ZNRF2: variants seen among roughly 807,000 people sequenced by gnomAD.
The protein encoded by ZNRF2 is zinc and ring finger 2.
In ZNRF2, 16 loss-of-function variants were observed where a neutral mutation model predicts 20.4. The observed-to-expected ratio is 0.79, with a 90% CI of 0.53 to 1.19. The LOEUF (loss-of-function observed/expected upper bound fraction) is 1.19. Ranked by LOEUF, ZNRF2 falls within the 50% of genes most tolerant of loss-of-function variation. ZNRF2 has a pLI of 0.00. For missense variants in ZNRF2, 363 were observed against 332.4 expected, an observed-to-expected ratio of 1.09 and a Z score of -0.72; for synonymous variants, 178 against 144.9, an observed-to-expected ratio of 1.23 and a Z score of -1.64.
rs764719704 is a variant in ZNRF2 at position 30,285,348 on chromosome 7, C to T, written c.-10C>T. On this transcript the variant is annotated 5_prime_UTR_variant, in exon 1 of 5. Coordinates refer to ENST00000323037, the MANE Select transcript of ZNRF2 (RefSeq NM_147128.4). ...CGCAGCGCGCGGGCCCGGCCCGGGG[C>T]AGGGCGGACATGGGCGCCAAACAGA... The T allele has an allele frequency of 8.7e-7, 1 of 1,149,378 alleles. No homozygotes were observed. The highest frequency in any genetic ancestry group is 2.4e-5 in the South Asian group (1 of 42,396). The allele number at this position is 1,149,378 out of a possible 1,614,324, so 71.2% of individuals were successfully genotyped here.
chr7:30,352,614 C>T (rs1799976551), intron 2 of ZNRF2, among the ~76,000 whole-genome samples: 1 of 151,968 alleles, frequency 6.6e-6, no homozygotes, highest in Admixed American at 6.6e-5. Context: ...CTTGTGTCTC[C>T]ATTGATCATA....
intron 3 of ZNRF2, among the ~76,000 whole-genome samples, chr7:30,356,070 C>G (rs940805311): frequency 2.6e-5 from 4 of 152,136 alleles, no homozygotes; most frequent in African/African-American, 9.7e-5. Flanking sequence ...TCCATAGCTT[C>G]TTGAATAAAT....
At position 30,313,833 on chromosome 7, in the gene ZNRF2, C is replaced by T. The variant is rs117858129; in HGVS notation, c.470-9809C>T. ...TCCTCCCCCAGTGGTGATGTGTGGC[C>T]ATTTCGAGGTTCCCTGGTGGCAGAA... On this transcript the variant is annotated intron_variant, in intron 1 of 4. Transcript: ENST00000323037. Among the ~76,000 whole-genome samples, 601 of 152,260 alleles carry T rather than the reference C, an allele frequency of 3.9e-3. 1 individual carries two copies. Among genetic ancestry groups the T allele is most frequent in the Non-Finnish European group, 5.7e-3 (390 of 68,004 alleles).
chr7:30,299,752 C>A, intron 1 of ZNRF2, among the ~76,000 whole-genome samples: 1 of 148,304 alleles, frequency 6.7e-6, no homozygotes, highest in Non-Finnish European at 1.5e-5. Flanking sequence ...AGAATGTGGT[C>A]ATACTGTGTT....
intron 4 of ZNRF2, 54 bp downstream of exon 4, chr7:30,362,510 A>C: frequency 8.9e-7 from 1 of 1,120,978 alleles, no homozygotes; most frequent in Admixed American, 2.1e-5. Flanking sequence ...ATACATTCTA[A>C]ACTATAATTT....
intron 1 of ZNRF2, among the ~76,000 whole-genome samples, chr7:30,302,541 GTT>G (rs113688354): frequency 7.1e-6 from 1 of 140,506 alleles, no homozygotes; most frequent in African/African-American, 2.7e-5. Context: ...AAAGTACTAT[GTT>G]TTTTTTTTTT....
intron 2 of ZNRF2, among the ~76,000 whole-genome samples, chr7:30,352,581 G>A (rs1799976137): frequency 6.6e-6 from 1 of 152,028 alleles, no homozygotes; most frequent in Non-Finnish European, 1.5e-5. Context: ...AAAGCAACAT[G>A]TTTAGTTCCC....
intron 2 of ZNRF2, among the ~76,000 whole-genome samples, chr7:30,334,249 G>T (rs1376743149): frequency 6.6e-6 from 1 of 152,122 alleles, no homozygotes; most frequent in Admixed American, 6.5e-5. Context: ...ATTGAACAGG[G>T]TGTCCTTTCC....
chr7:30,354,022 G>A (rs569779201), intron 2 of ZNRF2, among the ~76,000 whole-genome samples: 4 of 151,884 alleles, frequency 2.6e-5, no homozygotes, highest in Admixed American at 6.6e-5. Flanking sequence ...GATGCTTCAC[G>A]TTAAACTTGT....
At chr7:30,300,298 G>A (rs560999363) in intron 1 of ZNRF2, among the ~76,000 whole-genome samples, 4 of 151,508 alleles carry the variant, frequency 2.6e-5, no homozygotes, top group East Asian at 1.9e-4. Flanking sequence ...ACAGGTGCAC[G>A]CCACCACGCC....
chr7:30,289,942 C>G (rs537267536), intron 1 of ZNRF2: 1 of 528,066 alleles, frequency 1.9e-6, no homozygotes, highest in African/African-American at 1.9e-5. Context: ...CTAAGTTCTT[C>G]TGATTACCAA....
intron 2 of ZNRF2, among the ~76,000 whole-genome samples, chr7:30,345,789 A>G (rs911717574): frequency 6.6e-6 from 1 of 152,082 alleles, no homozygotes. Flanking sequence ...TTCAAGTCCT[A>G]GTTATTAGGA....
chr7:30,334,195 T>C (rs1799682859), intron 2 of ZNRF2, among the ~76,000 whole-genome samples: 1 of 152,174 alleles, frequency 6.6e-6, no homozygotes, highest in Admixed American at 6.5e-5. Flanking sequence ...GGGGTTCAGT[T>C]TCATTCTTCT....
intron 2 of ZNRF2, among the ~76,000 whole-genome samples, chr7:30,340,906 C>G (rs1265892372): frequency 6.6e-6 from 1 of 152,092 alleles, no homozygotes; most frequent in Admixed American, 6.5e-5. Context: ...TTAATTACTG[C>G]CTCAATTTCA....
intron 3 of ZNRF2, among the ~76,000 whole-genome samples, chr7:30,357,051 A>G (rs929566575): frequency 1.3e-5 from 2 of 152,186 alleles, no homozygotes; most frequent in Non-Finnish European, 2.9e-5. Context: ...TGACAAATTT[A>G]TCATCATAAT....
At chr7:30,293,922 C>T (rs1321944594) in intron 1 of ZNRF2, among the ~76,000 whole-genome samples, 4 of 152,072 alleles carry the variant, frequency 2.6e-5, no homozygotes. Flanking sequence ...TGTAATAGTT[C>T]TTTAATTTAC....
At chr7:30,355,062 G>T (rs1180294890) in intron 2 of ZNRF2, among the ~76,000 whole-genome samples, 1 of 151,984 alleles carries the variant, frequency 6.6e-6, no homozygotes, top group Admixed American at 6.6e-5. Flanking sequence ...TTGTTTGTTT[G>T]TTTTTAAATA....
At chr7:30,311,821 C>T (rs181488838) in intron 1 of ZNRF2, among the ~76,000 whole-genome samples, 113 of 152,218 alleles carry the variant, frequency 7.4e-4, no homozygotes, top group African/African-American at 2.6e-3. Context: ...TCTACGTAAA[C>T]GTTACTGATT....
At chr7:30,325,424 C>G (rs1297042752) in intron 2 of ZNRF2, among the ~76,000 whole-genome samples, 5 of 152,104 alleles carry the variant, frequency 3.3e-5, no homozygotes, top group Non-Finnish European at 7.4e-5. Flanking sequence ...ATGGAGCTTA[C>G]AGCCTACTAA....
Sources: allele counts gnomAD v4.1 joint callset (sites outside exome capture counted in the v4.1 genomes callset), GRCh38; gene constraint gnomAD v4.1.1; transcripts MANE v1.5; gene names NCBI Gene and HGNC (gene_info 2026-07-23, HGNC 2026-07-21).